ADGRL2: variants seen among roughly 807,000 people sequenced by gnomAD.
ADGRL2 encodes adhesion G protein-coupled receptor L2.
A neutral mutation model predicts 157.4 loss-of-function variants in ADGRL2; 44 were observed. That is an observed-to-expected ratio of 0.28 (90% CI 0.22 to 0.36). The LOEUF (loss-of-function observed/expected upper bound fraction) is 0.36, where lower values mean the gene tolerates loss of function less well. ADGRL2 is among the 10% of genes least tolerant of loss of function. The pLI, the probability that ADGRL2 is intolerant of heterozygous loss-of-function variation, is 1.00. For synonymous variants in ADGRL2, 585 were observed against 624.7 expected, an observed-to-expected ratio of 0.94 and a Z score of 0.95; for missense variants, 1,510 against 1,768.9, an observed-to-expected ratio of 0.85 and a Z score of 2.63.
At chr1:81,708,651 TATATAC>T (rs1190980876) in intron 1 of ADGRL2, among the ~76,000 whole-genome samples, 3 of 151,052 alleles carry the variant, frequency 2.0e-5, no homozygotes, top group Non-Finnish European at 2.9e-5. Flanking sequence ...TATATATATA[TATATAC>T]ACACACACAT....
chr1:81,758,192 C>T lies in ADGRL2; in HGVS notation c.-142-3619C>T, dbSNP rs1164982650. ...TGGATACAGAAGAAAAGCTCTGGGCCCTTAATTGAGCAATTATTATTTCTT... is the reference window on the plus strand; with the variant it reads ...TGGATACAGAAGAAAAGCTCTGGGCTCTTAATTGAGCAATTATTATTTCTT... On this transcript the variant is annotated intron_variant, in intron 1 of 20. Transcript: ENST00000359929. Among the ~76,000 whole-genome samples, 7 of 152,042 alleles carry T rather than the reference C, an allele frequency of 4.6e-5. No individual in the cohort carries two copies. In the East Asian group the frequency reaches 1.4e-3, roughly 29 times the overall value.
intron 1 of ADGRL2, among the ~76,000 whole-genome samples, chr1:81,308,273 T>G (rs1265093500): frequency 6.6e-6 from 1 of 152,144 alleles, no homozygotes; most frequent in Non-Finnish European, 1.5e-5. Flanking sequence ...TCCGTGAATA[T>G]CTTCTTCACA....
chr1:81,815,822 T>A (rs2090343818), intron 1 of ADGRL2, among the ~76,000 whole-genome samples: 1 of 151,860 alleles, frequency 6.6e-6, no homozygotes, highest in Non-Finnish European at 1.5e-5. Flanking sequence ...AACCTGTCAT[T>A]GGTTTCTTAA....
intron 3 of ADGRL2, among the ~76,000 whole-genome samples, chr1:81,623,789 A>G (rs559825432): frequency 6.6e-6 from 1 of 152,074 alleles, no homozygotes; most frequent in African/African-American, 2.4e-5. Context: ...GGCGTGCGCC[A>G]CCACAGCTGG....
intron 1 of ADGRL2, among the ~76,000 whole-genome samples, chr1:81,728,693 C>T (rs1361001880): frequency 3.3e-5 from 5 of 152,022 alleles, no homozygotes; most frequent in African/African-American, 7.2e-5. Flanking sequence ...CTCCTCTCGC[C>T]GAGCATCTGC....
intron 1 of ADGRL2, among the ~76,000 whole-genome samples, chr1:81,745,444 G>A (rs2085213610): frequency 6.6e-6 from 1 of 152,142 alleles, no homozygotes; most frequent in African/African-American, 2.4e-5. Flanking sequence ...GTATTAGGTT[G>A]AAACAGAGTT....
intron 3 of ADGRL2, among the ~76,000 whole-genome samples, chr1:81,618,936 C>CA (rs1243124920): frequency 6.6e-6 from 1 of 151,348 alleles, no homozygotes; most frequent in Non-Finnish European, 1.5e-5. Flanking sequence ...AAAGGCTGAA[C>CA]ATTTGGTTTC....
At chr1:81,656,577 G>A (rs1297119191) in intron 3 of ADGRL2, among the ~76,000 whole-genome samples, 2 of 152,130 alleles carry the variant, frequency 1.3e-5, no homozygotes, top group South Asian at 2.1e-4. Flanking sequence ...TTCAGTCAAA[G>A]TTGGCTAAGG....
chr1:81,638,341 A>G (rs2082152926), intron 3 of ADGRL2, among the ~76,000 whole-genome samples: 1 of 152,178 alleles, frequency 6.6e-6, no homozygotes, highest in East Asian at 1.9e-4. Context: ...AAAGAAAGGA[A>G]AAGCATTAGG....
intron 2 of ADGRL2, among the ~76,000 whole-genome samples, chr1:81,771,807 A>T (rs547715566): frequency 9.2e-5 from 14 of 152,202 alleles, no homozygotes; most frequent in Non-Finnish European, 1.9e-4. Flanking sequence ...AAAAAAAGGG[A>T]GGGTAAGTGA....
At chr1:81,587,631 G>A (rs997776306) in intron 3 of ADGRL2, among the ~76,000 whole-genome samples, 4 of 152,064 alleles carry the variant, frequency 2.6e-5, no homozygotes, top group Admixed American at 6.6e-5. Context: ...TAAAGAGTGG[G>A]GACTCCATCC....
intron 2 of ADGRL2, among the ~76,000 whole-genome samples, chr1:81,524,196 TAA>T (rs59596783): frequency 1.1e-4 from 16 of 145,884 alleles, no homozygotes; most frequent in African/African-American, 3.2e-4. Context: ...CCATCTCTAC[TAA>T]AAAAAAAAAT....
intron 2 of ADGRL2, among the ~76,000 whole-genome samples, chr1:81,777,751 G>A (rs1017378876): frequency 3.9e-5 from 6 of 152,006 alleles, no homozygotes; most frequent in African/African-American, 1.2e-4. Context: ...TGACAAGTGA[G>A]ACTCTGTTTC....
Position 81,936,750 on chromosome 1 carries a change from ATAG to A in ADGRL2, c.315_317del (p.Val106del). 1 of 1,608,682 alleles carries A rather than the reference ATAG, an allele frequency of 6.2e-7. No individual in the cohort carries two copies. Among genetic ancestry groups the A allele is most frequent in the Non-Finnish European group, 8.5e-7 (1 of 1,175,526 alleles). On this transcript the variant is annotated inframe_deletion, in exon 4 of 24. Transcript: ENST00000686636. ...CAGGTGCAACAATCGAACACAGTGT[ATAG>A]TAGTTACTGGGTCAGATGTGTTTCC...
At chr1:81,925,127 G>C (rs1216608091) in intron 3 of ADGRL2, among the ~76,000 whole-genome samples, 2 of 152,030 alleles carry the variant, frequency 1.3e-5, no homozygotes, top group African/African-American at 4.8e-5. Flanking sequence ...GATCAAATTT[G>C]AAATTCAATA....
chr1:81,841,132 A>G (rs1321300340), intron 2 of ADGRL2, among the ~76,000 whole-genome samples: 1 of 152,186 alleles, frequency 6.6e-6, no homozygotes, highest in African/African-American at 2.4e-5. Context: ...TATGCAGTGA[A>G]TATGTAATTA....
chr1:81,454,098 C>T (rs562336587), intron 2 of ADGRL2, among the ~76,000 whole-genome samples: 1 of 151,790 alleles, frequency 6.6e-6, no homozygotes, highest in African/African-American at 2.4e-5. Flanking sequence ...AGTTTTGATG[C>T]TATTTTGTCA....
At chr1:81,432,390 A>G (rs1029096554) in intron 1 of ADGRL2, among the ~76,000 whole-genome samples, 1 of 152,214 alleles carries the variant, frequency 6.6e-6, no homozygotes, top group African/African-American at 2.4e-5. Flanking sequence ...GTTGTCAAGG[A>G]TTCAGATGAG....
intron 1 of ADGRL2, among the ~76,000 whole-genome samples, chr1:81,330,317 C>A (rs896583415): frequency 1.3e-5 from 2 of 152,178 alleles, no homozygotes; most frequent in South Asian, 4.1e-4. Context: ...CTGAATGAAA[C>A]ACATGTGATA....
Sources: allele counts gnomAD v4.1 joint callset (sites outside exome capture counted in the v4.1 genomes callset), GRCh38; gene constraint gnomAD v4.1.1; transcripts MANE v1.5; gene names NCBI Gene and HGNC (gene_info 2026-07-23, HGNC 2026-07-21).